The following SOX6 variants were observed in gnomAD, a reference collection of about 807,000 sequenced individuals.
SOX6 encodes transcription factor SOX-6.
In SOX6, 11 loss-of-function variants were observed where a neutral mutation model predicts 97.8. The observed-to-expected ratio is 0.11, with a 90% CI of 0.07 to 0.19. The LOEUF is 0.19. Ranked by LOEUF, SOX6 falls within the 10% of genes least tolerant of loss-of-function variation. The probability of loss-of-function intolerance (pLI) is 1.00; values close to 1 mark genes in which losing one functional copy is unlikely to be tolerated. For missense variants in SOX6, 810 were observed against 1,039.5 expected (o/e 0.78, Z 3.04); for synonymous variants, 360 against 371.4 (o/e 0.97, Z 0.35).
chr11:16,080,752 T>C (rs1255859766), intron 9 of SOX6, among the ~76,000 whole-genome samples: 1 of 152,116 alleles, frequency 6.6e-6, no homozygotes. Context: ...AATGGTATAA[T>C]GGAAGCATTT....
At chr11:16,346,333 C>T (rs762301944) in intron 1 of SOX6, among the ~76,000 whole-genome samples, 10 of 151,982 alleles carry the variant, frequency 6.6e-5, no homozygotes, top group African/African-American at 1.4e-4. Context: ...GACACCAGTC[C>T]ACCCAGCCTA....
chr11:16,406,873 T>A (rs577089647), intron 1 of SOX6, among the ~76,000 whole-genome samples: 2 of 152,260 alleles, frequency 1.3e-5, no homozygotes, highest in African/African-American at 4.8e-5. Context: ...TCAAAATTGA[T>A]GTCATTTTAT....
At chr11:16,444,812 A>G (rs1859581733) in intron 1 of SOX6, among the ~76,000 whole-genome samples, 1 of 152,204 alleles carries the variant, frequency 6.6e-6, no homozygotes, top group African/African-American at 2.4e-5. Context: ...AATGGATTTA[A>G]AAATTTAATA....
chr11:16,628,586 G>A (rs536506952), intron 3 of SOX6, among the ~76,000 whole-genome samples: 26 of 147,242 alleles, frequency 1.8e-4, no homozygotes, highest in Non-Finnish European at 5.9e-5. Flanking sequence ...TCACACCACT[G>A]CACTCCAGCC....
At chr11:15,975,123 A>G (rs1048156905) in intron 15 of SOX6, among the ~76,000 whole-genome samples, 4 of 152,210 alleles carry the variant, frequency 2.6e-5, no homozygotes, top group Non-Finnish European at 5.9e-5. Context: ...CCCAGTTTTT[A>G]TGATTCTCAT....
chr11:16,497,666 G>A (rs979973857), intron 4 of SOX6, among the ~76,000 whole-genome samples: 7 of 152,184 alleles, frequency 4.6e-5, no homozygotes, highest in African/African-American at 1.4e-4. Flanking sequence ...ACTACGTGAC[G>A]AATGCACAAG....
chr11:16,383,443 C>A (rs1480595499), intron 1 of SOX6, among the ~76,000 whole-genome samples: 1 of 151,878 alleles, frequency 6.6e-6, no homozygotes, highest in Non-Finnish European at 1.5e-5. Context: ...AGGAGCACAC[C>A]TAGGTTCAAA....
intron 12 of SOX6, among the ~76,000 whole-genome samples, chr11:16,019,303 G>T (rs915805796): frequency 1.3e-5 from 2 of 152,058 alleles, no homozygotes; most frequent in African/African-American, 4.8e-5. Flanking sequence ...TCTGGTCAAT[G>T]ATGTGGTATA....
At chr11:16,210,535 T>C (rs979096794) in intron 4 of SOX6, among the ~76,000 whole-genome samples, 1 of 152,044 alleles carries the variant, frequency 6.6e-6, no homozygotes, top group African/African-American at 2.4e-5. Flanking sequence ...TCTCTGAGGG[T>C]GATGTACATA....
intron 4 of SOX6, among the ~76,000 whole-genome samples, chr11:16,588,204 T>G (rs1848115712): frequency 6.6e-6 from 1 of 152,156 alleles, no homozygotes; most frequent in Non-Finnish European, 1.5e-5. Flanking sequence ...AAGTTCTATA[T>G]AAAGGGGAAG....
intron 4 of SOX6, chr11:16,484,704 C>T (rs1209283863): frequency 8.6e-6 from 5 of 582,920 alleles, no homozygotes; most frequent in African/African-American, 1.9e-5. Flanking sequence ...CCACCCAGAA[C>T]CGTGCCTAGT....
chr11:16,560,352 G>T (rs1847794269), intron 4 of SOX6, among the ~76,000 whole-genome samples: 1 of 152,070 alleles, frequency 6.6e-6, no homozygotes, highest in South Asian at 2.1e-4. Context: ...CTAGTGCCTA[G>T]CATTATGCCT....
intron 5 of SOX6, 147 bp downstream of exon 5, chr11:16,186,636 A>T (rs1459889274): frequency 1.9e-6 from 2 of 1,065,140 alleles, no homozygotes; most frequent in African/African-American, 3.8e-5. Context: ...AGATTTCCAG[A>T]AGGCTTTGTT....
chr11:16,423,663 G>A (rs757536760), intron 1 of SOX6, among the ~76,000 whole-genome samples: 1 of 152,056 alleles, frequency 6.6e-6, no homozygotes, highest in Admixed American at 6.6e-5. Context: ...GGAAAGAAAT[G>A]GTAAACTTGC....
chr11:16,483,501 G>A lies in SOX6; in HGVS notation n.610-7113C>T, dbSNP rs555045373. Among the ~76,000 whole-genome samples the A allele has an allele frequency of 2.0e-5, 3 of 152,174 alleles. No homozygotes were observed. In the East Asian group the frequency reaches 5.8e-4, roughly 30 times the overall value. ...CCCTTTGGTCAGAAAAGGGTATTCA[G>A]GTTGTACTTTCCCCAGCAGGGCAAA... On this transcript the variant is annotated intron_variant and non_coding_transcript_variant, in intron 4 of 5. Transcript: ENST00000524520.
intron 2 of SOX6, among the ~76,000 whole-genome samples, chr11:16,734,366 A>G (rs1198263610): frequency 1.3e-5 from 2 of 152,184 alleles, no homozygotes; most frequent in Non-Finnish European, 2.9e-5. Context: ...GCTTCATCTC[A>G]TAGTCCACCA....
intron 4 of SOX6, among the ~76,000 whole-genome samples, chr11:16,588,816 G>A (rs1484864170): frequency 6.6e-6 from 1 of 152,088 alleles, no homozygotes; most frequent in African/African-American, 2.4e-5. Flanking sequence ...ATTATTTGAG[G>A]TCAGGAGTTC....
intron 12 of SOX6, among the ~76,000 whole-genome samples, chr11:16,040,762 G>A (rs891332037): frequency 6.6e-6 from 1 of 152,044 alleles, no homozygotes; most frequent in African/African-American, 2.4e-5. Context: ...AAATGCTGGA[G>A]TAAAGTGATC....
chr11:16,428,668 C>T (rs1233779602), intron 1 of SOX6, among the ~76,000 whole-genome samples: 1 of 152,144 alleles, frequency 6.6e-6, no homozygotes. Context: ...GGGCTCTGCT[C>T]TGTTCCATTG....
Sources: gnomAD v4.1 joint callset for allele counts (sites outside exome capture counted in the v4.1 genomes callset) on GRCh38, gnomAD v4.1.1 for gene constraint, MANE v1.5 for transcripts, NCBI Gene and HGNC (gene_info 2026-07-23, HGNC 2026-07-21) for gene names.